The following VEZT variants were observed in gnomAD, a reference collection of about 807,000 sequenced individuals.
VEZT encodes vezatin.
A neutral mutation model predicts 79.9 loss-of-function variants in VEZT; 39 were observed. That is an observed-to-expected ratio of 0.49 (90% CI 0.38 to 0.64). VEZT has a LOEUF of 0.64. Among genes scored for constraint, VEZT ranks in the 30% least tolerant of loss-of-function variants. The pLI, the probability that VEZT is intolerant of heterozygous loss-of-function variation, is 0.00. For missense variants in VEZT, 837 were observed against 893.1 expected (o/e 0.94, Z 0.80); for synonymous variants, 325 against 327.6 (o/e 0.99, Z 0.09).
At chr12:95,263,105 C>A in intron 4 of VEZT, 24 bp downstream of exon 4, 1 of 1,558,238 alleles carries the variant, frequency 6.4e-7, no homozygotes, top group Non-Finnish European at 8.8e-7. Flanking sequence ...AACACCTATT[C>A]TTTGACTGCT....
Position 95,302,439 on chromosome 12 carries a change from A to C in VEZT, c.*1766A>C, listed in dbSNP as rs978835308. Reference sequence around the variant, plus strand: ...CCAGTCTTTCAGTCTGATCTATTTAATTCACTACTTGTTACATAATCCAGT... The same window carrying C: ...CCAGTCTTTCAGTCTGATCTATTTACTTCACTACTTGTTACATAATCCAGT... On this transcript the variant is annotated 3_prime_UTR_variant, in exon 12 of 12. Transcript: ENST00000436874. 2.0e-5 allele frequency: 3 copies of C among 152,188 alleles called. No individual in the cohort carries two copies. Among genetic ancestry groups the C allele is most frequent in the Admixed American group, 6.5e-5 (1 of 15,276 alleles). 9.4% of individuals were successfully genotyped at this position (152,188 alleles called of 1,614,324 possible).
At chr12:95,293,913 G>A (rs2073566621) in intron 9 of VEZT, 1 of 167,558 alleles carries the variant, frequency 6.0e-6, no homozygotes, top group Admixed American at 6.0e-5. Flanking sequence ...GGGGGAGACA[G>A]GATCTAGCTC....
chr12:95,239,342 CTA>C (rs1406023459), intron 1 of VEZT, among the ~76,000 whole-genome samples: 1 of 152,172 alleles, frequency 6.6e-6, no homozygotes, highest in African/African-American at 2.4e-5. Context: ...GCTAAAGTAA[CTA>C]GTGCCTGACA....
At chr12:95,254,793 A>C (rs2063206082) in intron 2 of VEZT, among the ~76,000 whole-genome samples, 1 of 152,192 alleles carries the variant, frequency 6.6e-6, no homozygotes, top group African/African-American at 2.4e-5. Context: ...CTGTTTTTCT[A>C]TGAGTTCTTA....
At chr12:95,222,514 G>A (rs1246612736) in intron 1 of VEZT, among the ~76,000 whole-genome samples, 2 of 151,556 alleles carry the variant, frequency 1.3e-5, no homozygotes, top group Non-Finnish European at 2.9e-5. Context: ...TTGTCTATTC[G>A]TGTGTTAATA....
At chr12:95,259,315 T>A (rs1426504183) in intron 3 of VEZT, among the ~76,000 whole-genome samples, 1 of 152,230 alleles carries the variant, frequency 6.6e-6, no homozygotes, top group Non-Finnish European at 1.5e-5. Context: ...ATAATTACTT[T>A]GTGTTCTATA....
intron 1 of VEZT, among the ~76,000 whole-genome samples, chr12:95,235,269 G>C (rs1219099959): frequency 1.8e-4 from 12 of 66,236 alleles, no homozygotes; most frequent in Non-Finnish European, 1.9e-4. Flanking sequence ...CGGACAGGGC[G>C]GCTGGCCGGG....
chr12:95,292,639 C>T lies in VEZT; in HGVS notation c.1523-1633C>T, dbSNP rs545838029. On this transcript the variant is annotated intron_variant, in intron 9 of 11. Transcript: ENST00000436874. ...TCTCGCCTCACTGCAACCTCCGCCT[C>T]CCAAGTTCAAGCAATTCTCCTGCCT... Among the ~76,000 whole-genome samples, 29 of 151,564 alleles carry T rather than the reference C, an allele frequency of 1.9e-4. No homozygotes were observed. The South Asian group carries it at 5.8e-3, about 30-fold the overall frequency.
chr12:95,237,453 A>T (rs2060350197), intron 1 of VEZT, among the ~76,000 whole-genome samples: 1 of 152,114 alleles, frequency 6.6e-6, no homozygotes, highest in South Asian at 2.1e-4. Context: ...CCTGTGAGAA[A>T]ATTGTGCATC....
chr12:95,223,822 T>G (rs1448207363), intron 1 of VEZT, among the ~76,000 whole-genome samples: 1 of 152,208 alleles, frequency 6.6e-6, no homozygotes, highest in African/African-American at 2.4e-5. Flanking sequence ...TGGTTTTAAA[T>G]TTTTTTAAAA....
Position 95,288,075 on chromosome 12 carries a change from C to A in VEZT, c.1522+218C>A, listed in dbSNP as rs58559529. On this transcript the variant is annotated intron_variant, in intron 9 of 11. Transcript: ENST00000436874. ...TAAAAATGAATATGATTTGAAAGTTCAGTGAATCATATCTCTTTTTTAAAA... is the reference window on the plus strand; with the variant it reads ...TAAAAATGAATATGATTTGAAAGTTAAGTGAATCATATCTCTTTTTTAAAA... Among the ~76,000 whole-genome samples the A allele has an allele frequency of 0.11, 16,731 of 151,890 alleles. 1,334 individuals carry two copies. Among genetic ancestry groups the A allele is most frequent in the African/African-American group, 0.23 (9,507 of 41,384 alleles).
At chr12:95,236,864 G>C (rs61937954) in intron 1 of VEZT, among the ~76,000 whole-genome samples, 16,737 of 152,138 alleles carry the variant, frequency 0.11, 1,337 homozygotes, top group African/African-American at 0.23. Flanking sequence ...TAGGATTACA[G>C]GCATCAGCCA....
chr12:95,299,368 A>C (rs746720233), intron 11 of VEZT: 48 of 153,390 alleles, frequency 3.1e-4, no homozygotes, highest in Middle Eastern at 2.6e-3. Flanking sequence ...GCCTACTAAC[A>C]TCAAGAGGGG....
chr12:95,265,141 G>A (rs528496880), intron 4 of VEZT, among the ~76,000 whole-genome samples: 65 of 152,084 alleles, frequency 4.3e-4, no homozygotes, highest in African/African-American at 1.4e-3. Flanking sequence ...GATTACAGGC[G>A]TGGGCCACTG....
intron 8 of VEZT, chr12:95,286,638 G>A (rs2070959949): frequency 9.6e-6 from 4 of 416,878 alleles, no homozygotes; most frequent in Admixed American, 6.4e-5. Flanking sequence ...ATTAACTCTG[G>A]ACAATCTAAA....
chr12:95,238,320 A>G (rs980894802), intron 1 of VEZT, among the ~76,000 whole-genome samples: 2 of 152,206 alleles, frequency 1.3e-5, no homozygotes, highest in Non-Finnish European at 2.9e-5. Flanking sequence ...GAATTAAATG[A>G]GGTATTATAA....
At chr12:95,267,738 T>C (rs937743355) in intron 5 of VEZT, among the ~76,000 whole-genome samples, 3 of 152,122 alleles carry the variant, frequency 2.0e-5, no homozygotes, top group Non-Finnish European at 4.4e-5. Context: ...AGTATAAAAG[T>C]CAGCCAGGCA....
chr12:95,270,441 A>C (rs80206371), intron 6 of VEZT, among the ~76,000 whole-genome samples: 12,802 of 152,276 alleles, frequency 0.084, 577 homozygotes, highest in Middle Eastern at 0.12. Flanking sequence ...TCCTTTACTC[A>C]TCCAAAGAAT....
chr12:95,233,822 G>A (rs1445118820), intron 1 of VEZT, among the ~76,000 whole-genome samples: 1 of 152,046 alleles, frequency 6.6e-6, no homozygotes, highest in Non-Finnish European at 1.5e-5. Context: ...CATTTTGTGG[G>A]TTTTTTAAAA....
Sources: allele counts gnomAD v4.1 joint callset (sites outside exome capture counted in the v4.1 genomes callset), GRCh38; gene constraint gnomAD v4.1.1; transcripts MANE v1.5; gene names NCBI Gene and HGNC (gene_info 2026-07-23, HGNC 2026-07-21).